KIF26B: variants seen among roughly 807,000 people sequenced by gnomAD.
KIF26B encodes kinesin-like protein KIF26B.
Under a neutral mutation model 151.2 loss-of-function variants are expected in KIF26B, and 63 were observed. That is an observed-to-expected ratio of 0.42 (90% CI 0.34 to 0.51). KIF26B has a LOEUF of 0.51. KIF26B is among the 20% of genes least tolerant of loss of function. KIF26B has a pLI of 0.07. For missense variants in KIF26B, 2,813 were observed against 2,913.6 expected, an observed-to-expected ratio of 0.97 and a Z score of 0.79; for synonymous variants, 1,357 against 1,262.1, an observed-to-expected ratio of 1.08 and a Z score of -1.59.
chr1:245,501,280 C>A (rs1266365138), intron 4 of KIF26B, among the ~76,000 whole-genome samples: 1 of 152,142 alleles, frequency 6.6e-6, no homozygotes, highest in Non-Finnish European at 1.5e-5. Context: ...TTTCAATGTC[C>A]TTATCTGTAG....
chr1:245,683,719 C>T (rs1227789302), intron 10 of KIF26B, among the ~76,000 whole-genome samples: 1 of 152,182 alleles, frequency 6.6e-6, no homozygotes, highest in African/African-American at 2.4e-5. Context: ...AGGGACAATG[C>T]CAATAAAGTA....
intron 2 of KIF26B, among the ~76,000 whole-genome samples, chr1:245,262,225 C>T (rs551040638): frequency 4.1e-4 from 63 of 152,190 alleles, no homozygotes; most frequent in African/African-American, 1.4e-3. Flanking sequence ...AGCAACTGTC[C>T]GGCTGATGGA....
chr1:245,241,891 T>C lies in KIF26B; in HGVS notation c.465+85208T>C, dbSNP rs976417985. On this transcript the variant is annotated intron_variant, in intron 2 of 14. Coordinates refer to ENST00000407071, the MANE Select transcript of KIF26B (RefSeq NM_018012.4). This position sits in a 1 kb window ranked among gnomAD's most constrained non-coding sequence, Gnocchi z 5.0. Reference sequence around the variant, plus strand: ...CCATTTCTCAGGTGGCCTTCAAGGCTCATTCCTGACTCACCCAGCCTCATC... The same window carrying C: ...CCATTTCTCAGGTGGCCTTCAAGGCCCATTCCTGACTCACCCAGCCTCATC... Among the ~76,000 whole-genome samples, 9 of 152,158 alleles carry C rather than the reference T, an allele frequency of 5.9e-5. No individual in the cohort carries two copies. Among genetic ancestry groups the C allele is most frequent in the Non-Finnish European group, 1.2e-4 (8 of 68,018 alleles).
chr1:245,676,008 C>G (rs1487701919), intron 10 of KIF26B, among the ~76,000 whole-genome samples: 3 of 152,056 alleles, frequency 2.0e-5, no homozygotes, highest in Non-Finnish European at 4.4e-5. Context: ...TAAAAATATT[C>G]AAGCAGAAAG....
At chr1:245,617,263 A>AT (rs2043600658) in intron 9 of KIF26B, among the ~76,000 whole-genome samples, 1 of 152,042 alleles carries the variant, frequency 6.6e-6, no homozygotes, top group Non-Finnish European at 1.5e-5. Flanking sequence ...CACCTGGCTA[A>AT]TTTTTGTGTT....
chr1:245,507,876 T>C (rs1444131947), intron 4 of KIF26B, among the ~76,000 whole-genome samples: 1 of 152,208 alleles, frequency 6.6e-6, no homozygotes, highest in Non-Finnish European at 1.5e-5. Flanking sequence ...CTCCTGTGTT[T>C]CAAGATGGAT....
chr1:245,197,412 C>T (rs1669214559), intron 2 of KIF26B, among the ~76,000 whole-genome samples: 1 of 152,120 alleles, frequency 6.6e-6, no homozygotes, highest in Admixed American at 6.5e-5. Context: ...ATTGCTTTTC[C>T]AGTGAAAAGC....
chr1:245,209,182 C>A (rs1669463451), intron 2 of KIF26B, among the ~76,000 whole-genome samples: 2 of 152,110 alleles, frequency 1.3e-5, no homozygotes, highest in South Asian at 4.2e-4. Context: ...GGTGGATCAT[C>A]TGAGGTCAGG....
chr1:245,540,966 GTC>G lies in KIF26B; in HGVS notation c.1350+17_1350+18del. On this transcript the variant is annotated intron_variant, in intron 5 of 14. Coordinates refer to ENST00000407071, the MANE Select transcript of KIF26B (RefSeq NM_018012.4). This position sits in a 1 kb window ranked among gnomAD's most constrained non-coding sequence, Gnocchi z 4.6. ...GCTGGGCAAGGTAGGACCATCCGCC[GTC>G]CCTGCCATTTGCCCAGTGTGCGAGG... 1 of 1,593,834 alleles carries G rather than the reference GTC, an allele frequency of 6.3e-7. No individual in the cohort carries two copies. The highest frequency in any genetic ancestry group is 2.2e-5 in the East Asian group (1 of 44,488).
chr1:245,527,946 G>A (rs1448148891), intron 4 of KIF26B, among the ~76,000 whole-genome samples: 1 of 152,044 alleles, frequency 6.6e-6, no homozygotes, highest in Non-Finnish European at 1.5e-5. Flanking sequence ...TGGAACTTAG[G>A]AAAAGGCAAG....
At chr1:245,165,228 C>T (rs1668596744) in intron 2 of KIF26B, among the ~76,000 whole-genome samples, 3 of 151,788 alleles carry the variant, frequency 2.0e-5, no homozygotes, top group Non-Finnish European at 1.5e-5. Context: ...GCAGCTCCGG[C>T]CTGACACATA....
chr1:245,179,684 G>GA (rs1267622747), intron 2 of KIF26B, among the ~76,000 whole-genome samples: 2 of 152,294 alleles, frequency 1.3e-5, no homozygotes, highest in Non-Finnish European at 2.9e-5. Context: ...TACCAACCAG[G>GA]AGGGGAGATA....
At chr1:245,497,537 T>A (rs1010890836) in intron 4 of KIF26B, among the ~76,000 whole-genome samples, 2 of 152,144 alleles carry the variant, frequency 1.3e-5, no homozygotes, top group African/African-American at 4.8e-5. Flanking sequence ...TACTTGTAAA[T>A]AACCAACAGG....
chr1:245,353,185 C>A (rs551176745), intron 2 of KIF26B, among the ~76,000 whole-genome samples: 74 of 152,244 alleles, frequency 4.9e-4, no homozygotes, highest in African/African-American at 1.7e-3. Flanking sequence ...AAACTCTAGG[C>A]TCCTGTGTGT....
rs796770144 is a variant in KIF26B at position 245,341,323 on chromosome 1, T to TG, written c.466-25511_466-25510insG. ...ATGCAGTTTTTTTTTTTTTTTTTTT[T>TG]TTTTTTTTTTTTTTTGAGACACTGT... On this transcript the variant is annotated intron_variant, in intron 2 of 14. Transcript: ENST00000407071. Among the ~76,000 whole-genome samples, 77 of 78,026 alleles carry TG rather than the reference T, an allele frequency of 9.9e-4. 1 individual carries two copies. The highest frequency in any genetic ancestry group is 4.5e-3 in the African/African-American group (34 of 7,486). The allele number at this position is 78,026 out of a possible 152,430, so 51.2% of individuals were successfully genotyped here.
intron 2 of KIF26B, among the ~76,000 whole-genome samples, chr1:245,233,417 C>T (rs755123154): frequency 3.3e-5 from 5 of 152,158 alleles, no homozygotes; most frequent in Non-Finnish European, 7.3e-5. Context: ...TAGTACCTTG[C>T]TACTCAAAGC....
chr1:245,159,975 A>C (rs1668506379), intron 2 of KIF26B, among the ~76,000 whole-genome samples: 1 of 152,210 alleles, frequency 6.6e-6, no homozygotes, highest in South Asian at 2.1e-4. Flanking sequence ...CTCAGAGGGA[A>C]GGATGATCAT....
chr1:245,547,585 C>CAAAAAAAAA (rs56218217), intron 5 of KIF26B, among the ~76,000 whole-genome samples: 1 of 114,642 alleles, frequency 8.7e-6, no homozygotes, highest in Admixed American at 1.0e-4. Context: ...GACTCCATCT[C>CAAAAAAAAA]AAAAAAAAAA....
At chr1:245,529,012 A>C (rs796399835) in intron 4 of KIF26B, among the ~76,000 whole-genome samples, 8 of 152,302 alleles carry the variant, frequency 5.3e-5, no homozygotes, top group African/African-American at 1.9e-4. Flanking sequence ...CAAGTTCTGG[A>C]CAAAATTAGA....
Sources: gnomAD v4.1 joint callset for allele counts (sites outside exome capture counted in the v4.1 genomes callset) on GRCh38, gnomAD v4.1.1 for gene constraint, Gnocchi (gnomAD v3.1) non-coding constraint, MANE v1.5 for transcripts, NCBI Gene and HGNC (gene_info 2026-07-23, HGNC 2026-07-21) for gene names.